Variants in TNRC6C observed in about 807,000 individuals in gnomAD.
The protein encoded by TNRC6C is trinucleotide repeat-containing gene 6C protein.
A neutral mutation model predicts 153.7 loss-of-function variants in TNRC6C; 20 were observed. The observed-to-expected ratio is 0.13, with a 90% confidence interval of 0.09 to 0.19. The LOEUF (loss-of-function observed/expected upper bound fraction) is 0.19, where lower values mean the gene tolerates loss of function less well. TNRC6C is among the 10% of genes least tolerant of loss of function. The pLI is 1.00. For synonymous variants in TNRC6C, 811 were observed against 841.4 expected (o/e 0.96, Z 0.63); for missense variants, 1,987 against 2,172.0 (o/e 0.91, Z 1.69).
intron 1 of TNRC6C, among the ~76,000 whole-genome samples, chr17:77,984,455 C>T (rs749005272): frequency 5.3e-5 from 8 of 152,084 alleles, no homozygotes; most frequent in Non-Finnish European, 1.0e-4. Flanking sequence ...TTGATTGAGG[C>T]TGCAGTGAGC....
At chr17:78,044,526 C>T (rs538494687) in intron 2 of TNRC6C, among the ~76,000 whole-genome samples, 1 of 152,324 alleles carries the variant, frequency 6.6e-6, no homozygotes, top group East Asian at 1.9e-4. Flanking sequence ...ATGTGTGCTC[C>T]ATGAGAGAAA....
At chr17:78,023,410 C>G (rs1274064864) in intron 1 of TNRC6C, among the ~76,000 whole-genome samples, 2 of 152,180 alleles carry the variant, frequency 1.3e-5, no homozygotes, top group African/African-American at 2.4e-5. Context: ...CCTTCCTTCT[C>G]CTGCTCCTCC....
chr17:78,073,636 C>T (rs1020351571), intron 7 of TNRC6C, among the ~76,000 whole-genome samples: 2 of 152,170 alleles, frequency 1.3e-5, no homozygotes, highest in African/African-American at 4.8e-5. Context: ...ACCACAAACA[C>T]TGAATTAACG....
exon 20 of TNRC6C, chr17:78,108,637 G>A (rs1035531683): frequency 6.5e-6 from 1 of 154,870 alleles, no homozygotes; most frequent in Non-Finnish European, 1.5e-5. Flanking sequence ...CGGGGGACAG[G>A]AGGGCAGCAC....
At chr17:77,962,579 AAGGAT>A (rs1164137630) in intron 1 of TNRC6C, among the ~76,000 whole-genome samples, 1 of 152,110 alleles carries the variant, frequency 6.6e-6, no homozygotes, top group African/African-American at 2.4e-5. Flanking sequence ...GAGCTGGCAG[AAGGAT>A]AGGTTGAGGG....
At chr17:77,979,645 A>G (rs900448176) in intron 1 of TNRC6C, among the ~76,000 whole-genome samples, 18 of 152,346 alleles carry the variant, frequency 1.2e-4, no homozygotes, top group African/African-American at 4.3e-4. Flanking sequence ...GAGGAGAAAG[A>G]ATAGGTCAGA....
upstream of TNRC6C, among the ~76,000 whole-genome samples, chr17:78,000,090 C>T (rs928890138): frequency 8.5e-5 from 13 of 152,174 alleles, no homozygotes; most frequent in African/African-American, 3.1e-4. Flanking sequence ...TCGCCTTTTC[C>T]ACCCCAAGTC....
intron 15 of TNRC6C, 146 bp downstream of exon 17, chr17:78,093,270 T>G: frequency 1.0e-6 from 1 of 973,556 alleles, no homozygotes; most frequent in Non-Finnish European, 1.5e-6. Flanking sequence ...TCCTTGGAAA[T>G]CCATTTGTCA....
At chr17:78,001,011 T>G (rs1477436065), upstream of TNRC6C, among the ~76,000 whole-genome samples, 2 of 152,128 alleles carry the variant, frequency 1.3e-5, no homozygotes, top group African/African-American at 4.8e-5. Context: ...AAATCTACAG[T>G]TTAACTAGGA....
intron 3 of TNRC6C, among the ~76,000 whole-genome samples, chr17:78,055,017 A>G (rs577525540): frequency 3.3e-5 from 5 of 150,554 alleles, no homozygotes; most frequent in Non-Finnish European, 7.4e-5. Flanking sequence ...CACCACTGCA[A>G]AGTAGAGTTC....
At position 78,049,438 on chromosome 17, in the gene TNRC6C, A is replaced by G. The variant is rs550865356; in HGVS notation, c.376A>G (p.Ile126Val). The G allele has an allele frequency of 2.5e-6, 4 of 1,614,024 alleles. No individual in the cohort carries two copies. Among genetic ancestry groups the G allele is most frequent in the African/African-American group, 2.7e-5 (2 of 75,062 alleles). The change falls in exon 3 of 20, where the codon ATT becomes GTT. Residue 126 changes from isoleucine (I) to valine (V), a missense_variant. Physicochemically the swap from Ile to Val is conservative, Grantham distance 29. This residue lies in a region of TNRC6C where 1,052 missense variants were observed against 1,017.0 expected (regional missense o/e 1.03). Transcript: ENST00000301624. The surrounding 1 kb of genome is among the most constrained non-coding windows in gnomAD (Gnocchi z 4.1). Reference sequence around the variant, plus strand: ...CGTGGCGACAGGCAACCCTTCCAGTATTTGCAGTCCAGTCAGTGCCATAGG... The same window carrying G: ...CGTGGCGACAGGCAACCCTTCCAGTGTTTGCAGTCCAGTCAGTGCCATAGG...
chr17:77,960,618 C>T (rs915959942), intron 1 of TNRC6C, among the ~76,000 whole-genome samples: 2 of 152,114 alleles, frequency 1.3e-5, no homozygotes, highest in African/African-American at 4.8e-5. Flanking sequence ...TCCGGATTTC[C>T]TTCAGTACTG....
In TNRC6C at chr17:78,098,260, A is replaced by G. The variant is rs2073524222; in HGVS notation, c.4307-83A>G. 6.0e-6 allele frequency: 8 copies of G among 1,330,068 alleles called. No individual in the cohort carries two copies. The South Asian group carries it at 1.2e-4, about 20-fold the overall frequency. The allele number at this position is 1,330,068 out of a possible 1,614,324, so 82.4% of individuals were successfully genotyped here. ...ACACAGTCTGCTGGTGTTAGAGAGCACTCTGTGTGGCTCCCCAAACACAGC... is the reference window on the plus strand; with the variant it reads ...ACACAGTCTGCTGGTGTTAGAGAGCGCTCTGTGTGGCTCCCCAAACACAGC... On this transcript the variant is annotated intron_variant, in intron 16 of 19. Transcript: ENST00000301624.
chr17:78,002,789 C>T (rs1439891106), upstream of TNRC6C, among the ~76,000 whole-genome samples: 5 of 152,190 alleles, frequency 3.3e-5, no homozygotes, highest in African/African-American at 1.2e-4. Flanking sequence ...TCCCCACCTC[C>T]CTCCATCCTT....
At chr17:78,084,100 A>G (rs1024142625) in intron 11 of TNRC6C, among the ~76,000 whole-genome samples, 5 of 152,090 alleles carry the variant, frequency 3.3e-5, no homozygotes, top group African/African-American at 1.2e-4. Flanking sequence ...TCTGGCCAAC[A>G]TGGTGAAACC....
At chr17:78,053,860 C>A (rs1356925150) in intron 3 of TNRC6C, among the ~76,000 whole-genome samples, 2 of 152,072 alleles carry the variant, frequency 1.3e-5, no homozygotes, top group Non-Finnish European at 2.9e-5. Context: ...AACGAGACCC[C>A]ATTTCTTTAA....
chr17:78,023,813 C>G (rs955154258), intron 1 of TNRC6C, among the ~76,000 whole-genome samples: 2 of 147,480 alleles, frequency 1.4e-5, no homozygotes, highest in African/African-American at 5.0e-5. Flanking sequence ...TCTCAAAAAA[C>G]AAACAAAAAA....
chr17:78,041,317 C>T (rs2072289690), intron 2 of TNRC6C, among the ~76,000 whole-genome samples: 1 of 152,130 alleles, frequency 6.6e-6, no homozygotes, highest in Non-Finnish European at 1.5e-5. Flanking sequence ...AAAGATCTGC[C>T]GCACGGAGCA....
rs751760738 is a variant in TNRC6C at position 78,038,678 on chromosome 17, C to CAAAA, written c.-219+6853_-219+6856dup. Among the ~76,000 whole-genome samples, 349 of 61,222 alleles carry CAAAA rather than the reference C, an allele frequency of 5.7e-3. 3 individuals are homozygous for CAAAA. Among genetic ancestry groups the CAAAA allele is most frequent in the African/African-American group, 0.017 (335 of 19,320 alleles). The allele number at this position is 61,222 out of a possible 152,430, so 40.2% of individuals were successfully genotyped here. Reference sequence around the variant, plus strand: ...TGGGCGACAGAGCGAGACTCCGTGTCAAAAAAAAAAAAAAAAAAAAGTATT... The same window carrying CAAAA: ...TGGGCGACAGAGCGAGACTCCGTGTCAAAAAAAAAAAAAAAAAAAAAAAAGTATT... On this transcript the variant is annotated intron_variant, in intron 2 of 19. Coordinates refer to ENST00000301624, the Ensembl canonical transcript of TNRC6C.
Sources: gnomAD v4.1 joint callset for allele counts (sites outside exome capture counted in the v4.1 genomes callset) on GRCh38, gnomAD v4.1.1 for gene constraint, gnomAD v4.1.1 regional missense constraint, Gnocchi (gnomAD v3.1) non-coding constraint, MANE v1.5 for transcripts, NCBI Gene and HGNC (gene_info 2026-07-23, HGNC 2026-07-21) for gene names.